The following MINDY4 variants were observed in gnomAD, a reference collection of about 807,000 sequenced individuals.
MINDY4 encodes probable ubiquitin carboxyl-terminal hydrolase MINDY-4.
Under a neutral mutation model 87.0 loss-of-function variants are expected in MINDY4, and 68 were observed. The observed-to-expected ratio is 0.78, with a 90% CI of 0.64 to 0.96. The LOEUF is 0.96. Ranked by LOEUF, MINDY4 falls within the 40% of genes least tolerant of loss-of-function variation. The probability of loss-of-function intolerance (pLI) is 0.00; values close to 1 mark genes in which losing one functional copy is unlikely to be tolerated. For missense variants in MINDY4, 919 were observed against 928.2 expected (o/e 0.99, Z 0.13); for synonymous variants, 379 against 363.2 (o/e 1.04, Z -0.50).
chr7:30,850,908 A>G (rs1376172577), intron 10 of MINDY4, among the ~76,000 whole-genome samples: 2 of 152,074 alleles, frequency 1.3e-5, no homozygotes, highest in Admixed American at 6.5e-5. Flanking sequence ...GCCTCAGGAA[A>G]TAGCCCCTCA....
chr7:30,868,700 G>A lies in MINDY4; in HGVS notation c.1746-3543G>A, dbSNP rs568107388. On this transcript the variant is annotated intron_variant, in intron 13 of 17. Coordinates refer to ENST00000265299, the MANE Select transcript of MINDY4 (RefSeq NM_032222.3). ...CCTTTGTTCTGTTTCTTGATACAGC[G>A]TAGTATCTCAGGGACCTTCTGATGG... Among the ~76,000 whole-genome samples, 23 of 152,320 alleles carry A rather than the reference G, an allele frequency of 1.5e-4. 1 individual carries two copies. The highest frequency in any genetic ancestry group is 4.1e-4 in the African/African-American group (17 of 41,548).
intron 8 of MINDY4, among the ~76,000 whole-genome samples, chr7:30,839,897 G>T (rs976385316): frequency 6.6e-6 from 1 of 152,050 alleles, no homozygotes; most frequent in Non-Finnish European, 1.5e-5. Context: ...TATACTCATG[G>T]GCAGAAAATA....
At position 30,782,192 on chromosome 7, in the gene MINDY4, G is replaced by A; in HGVS notation, c.399G>A (p.Leu133=). 1.9e-6 allele frequency: 3 copies of A among 1,612,090 alleles called. No homozygotes were observed. The highest frequency in any genetic ancestry group is 1.7e-6 in the Non-Finnish European group (2 of 1,179,062). The change falls in exon 3 of 18, where the codon TTG becomes TTA. Residue 133 remains leucine, a synonymous_variant. Transcript: ENST00000265299. ...AAGATGCAGGATGGAGAACATCATT[G>A]TCAGAAACAAGCAAAGCCAGGTATC... ...SDEDAGWRTS[L]SETSKARHDN...
rs369733011 is a variant in MINDY4, at chr7:30,886,692, G to A, written c.2225+3699G>A. 2.3e-4 allele frequency among the ~76,000 whole-genome samples: 35 copies of A among 152,332 alleles called. 1 individual carries two copies. The highest frequency in any genetic ancestry group is 8.4e-4 in the African/African-American group (35 of 41,574). On this transcript the variant is annotated intron_variant, in intron 17 of 17. Coordinates refer to ENST00000265299, the MANE Select transcript of MINDY4 (RefSeq NM_032222.3). ...GCCTCGGTGACATTGCACAAGCCCAGACTGCTGGTTTCGCCTTCAGAGAAG... is the reference window on the plus strand; with the variant it reads ...GCCTCGGTGACATTGCACAAGCCCAAACTGCTGGTTTCGCCTTCAGAGAAG...
chr7:30,858,353 A>G (rs1045060795), intron 12 of MINDY4: 1 of 152,184 alleles, frequency 6.6e-6, no homozygotes, highest in African/African-American at 2.4e-5. Flanking sequence ...TCACAACTTG[A>G]TAAGGGTAGG....
rs1787485115 is a variant in MINDY4, at chr7:30,796,226, CCT to C, written c.1073+4653_1073+4654del. 3.3e-5 allele frequency among the ~76,000 whole-genome samples: 5 copies of C among 152,088 alleles called. No individual in the cohort carries two copies. In the South Asian group the frequency reaches 1.0e-3, roughly 31 times the overall value. ...TTTTTTTGTGTTTTTCACATTTCCC[CCT>C]GTCTCACTGTCACATCTGTCTCTTT... On this transcript the variant is annotated intron_variant, in intron 5 of 17. Coordinates refer to ENST00000265299, the MANE Select transcript of MINDY4 (RefSeq NM_032222.3).
rs199974230 is a variant in MINDY4 at position 30,839,300 on chromosome 7, G to T, written c.1340G>T (p.Gly447Val). 1 of 1,606,008 alleles carries T rather than the reference G, an allele frequency of 6.2e-7. No homozygotes were observed. The highest frequency in any genetic ancestry group is 8.5e-7 in the Non-Finnish European group (1 of 1,176,516). The change falls in exon 8 of 18, where the codon GGC (glycine) becomes GTC (valine). Residue 447 changes from glycine to valine, a missense_variant. By Grantham distance (109) the Gly-to-Val change is moderately radical. Coordinates refer to ENST00000265299, the MANE Select transcript of MINDY4 (RefSeq NM_032222.3). The part of the protein sequence containing the change: ...SFSNTASLKY[G>V]IVQNKGGPCG... The stretch of plus-strand genomic sequence containing the variant: ...AGTAACACAGCCTCATTAAAATACG[G>T]CATAGTGCAGAACAAGGCAGGTTGC...
intron 1 of MINDY4, 130 bp from the exon 2 acceptor site, chr7:30,778,302 A>G: frequency 4.3e-6 from 5 of 1,166,574 alleles, no homozygotes; most frequent in Non-Finnish European, 6.1e-6. Flanking sequence ...ATTATTGCAA[A>G]GGTGATGTCA....
chr7:30,885,370 G>T (rs1160954628), intron 17 of MINDY4, among the ~76,000 whole-genome samples: 1 of 152,058 alleles, frequency 6.6e-6, no homozygotes, highest in Non-Finnish European at 1.5e-5. Flanking sequence ...AAATTAGCCG[G>T]GCATGGTGGC....
chr7:30,849,593 G>A (rs1201597078), intron 9 of MINDY4, among the ~76,000 whole-genome samples: 1 of 152,136 alleles, frequency 6.6e-6, no homozygotes, highest in Non-Finnish European at 1.5e-5. Context: ...CTGTGTCGTG[G>A]CACTCTCTCC....
At chr7:30,877,005 C>T (rs1239229362) in intron 15 of MINDY4, among the ~76,000 whole-genome samples, 1 of 152,084 alleles carries the variant, frequency 6.6e-6, no homozygotes, top group African/African-American at 2.4e-5. Context: ...TGGTGCAGCC[C>T]CCTCCCCAGA....
chr7:30,853,602 C>T (rs1789484889), intron 12 of MINDY4, 143 bp downstream of exon 12: 3 of 750,300 alleles, frequency 4.0e-6, no homozygotes, highest in Non-Finnish European at 2.3e-6. Context: ...AATGCTGGCC[C>T]CTGGTTGGGG....
chr7:30,883,970 G>A (rs1438735381), intron 17 of MINDY4, among the ~76,000 whole-genome samples: 1 of 152,162 alleles, frequency 6.6e-6, no homozygotes, highest in African/African-American at 2.4e-5. Flanking sequence ...TGTGAAGAGT[G>A]TCTGGGACGT....
At chr7:30,811,205 A>G (rs956599060) in intron 5 of MINDY4, among the ~76,000 whole-genome samples, 1 of 152,114 alleles carries the variant, frequency 6.6e-6, no homozygotes, top group Non-Finnish European at 1.5e-5. Flanking sequence ...AACAGTTAAC[A>G]GTGTTACATG....
At chr7:30,869,253 C>T (rs904822130) in intron 13 of MINDY4, among the ~76,000 whole-genome samples, 14 of 152,206 alleles carry the variant, frequency 9.2e-5, no homozygotes, top group African/African-American at 3.1e-4. Flanking sequence ...GCTCAGGTGG[C>T]CCCTGCTCCT....
intron 13 of MINDY4, among the ~76,000 whole-genome samples, chr7:30,863,367 G>C (rs896960863): frequency 3.3e-5 from 5 of 152,226 alleles, no homozygotes; most frequent in African/African-American, 9.6e-5. Flanking sequence ...GATAGTGTGT[G>C]TGCGGATGGG....
At chr7:30,848,885 GT>G (rs1276499248) in intron 9 of MINDY4, among the ~76,000 whole-genome samples, 3 of 152,162 alleles carry the variant, frequency 2.0e-5, no homozygotes, top group Admixed American at 2.0e-4. Flanking sequence ...CATGGCCCAA[GT>G]GGGGACTTAA....
At chr7:30,891,077 A>G (rs868677039) in intron 17 of MINDY4, among the ~76,000 whole-genome samples, 33 of 152,178 alleles carry the variant, frequency 2.2e-4, no homozygotes, top group African/African-American at 7.7e-4. Flanking sequence ...CAAACCTCAT[A>G]CTTTGAAAAG....
At chr7:30,857,268 C>T (rs1319545194) in intron 12 of MINDY4, among the ~76,000 whole-genome samples, 10 of 152,138 alleles carry the variant, frequency 6.6e-5, no homozygotes, top group African/African-American at 9.7e-5. Flanking sequence ...GTTCAGACAT[C>T]GCTTTCTCCA....
Sources: gnomAD v4.1 joint callset for allele counts (sites outside exome capture counted in the v4.1 genomes callset) on GRCh38, gnomAD v4.1.1 for gene constraint, MANE v1.5 for transcripts, NCBI Gene and HGNC (gene_info 2026-07-23, HGNC 2026-07-21) for gene names.